MGAM2: variants seen among roughly 807,000 people sequenced by gnomAD.
The protein encoded by MGAM2 is probable maltase-glucoamylase 2.
Under a neutral mutation model 96.1 loss-of-function variants are expected in MGAM2, and 98 were observed. That is an observed-to-expected ratio of 1.02 (90% CI 0.87 to 1.21). The LOEUF is 1.21. Ranked by LOEUF, MGAM2 falls within the 50% of genes most tolerant of loss-of-function variation. MGAM2 has a pLI of 0.00. For missense variants in MGAM2, 2,055 were observed against 1,182.4 expected (o/e 1.74, Z -10.82); for synonymous variants, 749 against 414.8 (o/e 1.81, Z -9.79).
At chr7:142,152,120 A>G (rs1328257828) in intron 15 of MGAM2, among the ~76,000 whole-genome samples, 2 of 152,206 alleles carry the variant, frequency 1.3e-5, no homozygotes, top group African/African-American at 4.8e-5. Context: ...AGAGAAAACT[A>G]AAAGACAGAA....
At chr7:142,130,662 A>G (rs1794857545) in intron 3 of MGAM2, among the ~76,000 whole-genome samples, 2 of 152,136 alleles carry the variant, frequency 1.3e-5, no homozygotes, top group Admixed American at 1.3e-4. Flanking sequence ...ATCATACTGT[A>G]TGTAATTGCT....
intron 22 of MGAM2, among the ~76,000 whole-genome samples, chr7:142,161,658 G>A (rs7808303): frequency 0.052 from 7,900 of 152,280 alleles, 311 homozygotes; most frequent in East Asian, 0.15. Context: ...GAATTAGTAT[G>A]TATTGTGTAG....
chr7:142,113,528 T>A (rs1488603449), intron 1 of MGAM2, among the ~76,000 whole-genome samples: 2 of 105,148 alleles, frequency 1.9e-5, no homozygotes, highest in Non-Finnish European at 4.6e-5. Flanking sequence ...ATTCCTAGGT[T>A]TTTTTTTTAT....
intron 3 of MGAM2, among the ~76,000 whole-genome samples, chr7:142,122,646 C>CA (rs1490501905): frequency 6.6e-6 from 1 of 152,164 alleles, no homozygotes; most frequent in African/African-American, 2.4e-5. Flanking sequence ...CTCTTTCATT[C>CA]AGCACATTTT....
At chr7:142,144,835 A>G (rs1447547101) in intron 13 of MGAM2, 26 bp from the exon 14 acceptor site, 2 of 694,172 alleles carry the variant, frequency 2.9e-6, no homozygotes, top group Non-Finnish European at 5.2e-6. Context: ...CGCATTTTAC[A>G]CTTTGTGTGT....
chr7:142,134,085 A>C lies in MGAM2; in HGVS notation c.680A>C (p.Gln227Pro), dbSNP rs767971047. 1 of 763,102 alleles carries C rather than the reference A, an allele frequency of 1.3e-6. No individual in the cohort carries two copies. Among genetic ancestry groups the C allele is most frequent in the Admixed American group, 1.7e-5 (1 of 58,780 alleles). The allele number at this position is 763,102 out of a possible 1,614,324, so 47.3% of individuals were successfully genotyped here. Residue 227 changes from glutamine (Q) to proline (P), a missense_variant, in exon 7 of 48, where the codon CAG (glutamine) becomes CCG (proline). Gln to Pro is a moderately conservative substitution (Grantham distance 76, BLOSUM62 -1). Coordinates refer to ENST00000477922, the MANE Select transcript of MGAM2 (RefSeq NM_001293626.2). ...TATGGGCTGGGAGAGCATGTGCACC[A>C]GCAGTACCGCCACAATATGACCTGG... ...NVYGLGEHVHQQYRHNMTWKT... is the reference protein window; with the variant it reads ...NVYGLGEHVHPQYRHNMTWKT...
Position 142,198,177 on chromosome 7 carries a change from T to C in MGAM2, c.4905T>C (p.Arg1635=), listed in dbSNP as rs890607558. The C allele has an allele frequency of 7.1e-6, 5 of 702,974 alleles. No individual in the cohort carries two copies. Among genetic ancestry groups the C allele is most frequent in the African/African-American group, 7.0e-5 (4 of 57,258 alleles). 43.5% of individuals were successfully genotyped at this position (702,974 alleles called of 1,614,324 possible). The stretch of plus-strand genomic sequence containing the variant: ...TCTCTGCTTATTTTCCGAGAGCCCG[T>C]TGGTATGACTATAGCACGGTAAGAA... The part of the protein sequence containing the change: ...FEISAYFPRA[R]WYDYSTGTSS... Residue 1635 remains arginine (R), a synonymous_variant, in exon 43 of 48, where the codon CGT becomes CGC. Transcript: ENST00000477922.
At chr7:142,218,929 TA>T (rs1331094256) in intron 47 of MGAM2, among the ~76,000 whole-genome samples, 1 of 152,222 alleles carries the variant, frequency 6.6e-6, no homozygotes, top group Non-Finnish European at 1.5e-5. Flanking sequence ...TTCCTGCAGT[TA>T]TTCATGTCCC....
intron 32 of MGAM2, 34 bp from the exon 33 acceptor site, chr7:142,183,232 C>T: frequency 4.4e-6 from 3 of 683,898 alleles, no homozygotes; most frequent in East Asian, 2.7e-5. Flanking sequence ...AGATGTTTTC[C>T]TCACATTTGC....
intron 45 of MGAM2, 144 bp from the exon 46 acceptor site, chr7:142,208,429 A>G (rs1252963703): frequency 1.5e-6 from 1 of 656,480 alleles, no homozygotes; most frequent in Non-Finnish European, 2.8e-6. Context: ...TCTCTTAGCC[A>G]CTCTCTTCAG....
At position 142,176,889 on chromosome 7, in the gene MGAM2, T is replaced by C. The variant is rs1304393874; in HGVS notation, c.3816+1109T>C. 2.6e-5 allele frequency among the ~76,000 whole-genome samples: 4 copies of C among 152,222 alleles called. No individual in the cohort carries two copies. In the South Asian group the frequency reaches 6.2e-4, roughly 24 times the overall value. ...CCAATGCATTCTTTTTCTTCTCAAC[T>C]GTCTTTGTAAAAATAGATTTCTATG... On this transcript the variant is annotated intron_variant, in intron 32 of 47. Coordinates refer to ENST00000477922, the MANE Select transcript of MGAM2 (RefSeq NM_001293626.2).
rs1407921869 is a variant in MGAM2 at position 142,147,590 on chromosome 7, C to T, written c.1634+17C>T. ...CACAAACTTGTAAGGACTTGGTTTT[C>T]ACCCTAATTCCAGATATGTGGAGGT... On this transcript the variant is annotated intron_variant, in intron 15 of 47. Coordinates refer to ENST00000477922, the MANE Select transcript of MGAM2 (RefSeq NM_001293626.2). The T allele has an allele frequency of 4.3e-6, 3 of 698,010 alleles. No homozygotes were observed. The highest frequency in any genetic ancestry group is 7.8e-6 in the Non-Finnish European group (3 of 382,888). The allele number at this position is 698,010 out of a possible 1,614,324, so 43.2% of individuals were successfully genotyped here. A position where few individuals can be genotyped will look rare whatever the true frequency, so the allele number is the denominator to read the frequency against.
At position 142,170,205 on chromosome 7, in the gene MGAM2, A is replaced by G. The variant is rs1294527267; in HGVS notation, c.3158A>G (p.Gln1053Arg). 1.4e-6 allele frequency: 1 copy of G among 702,734 alleles called. No homozygotes were observed. The highest frequency in any genetic ancestry group is 1.7e-5 in the African/African-American group (1 of 57,372). The allele number at this position is 702,734 out of a possible 1,614,324, so 43.5% of individuals were successfully genotyped here. ...AACAATCCTTTTGGAATCCAGATTC[A>G]ACGCAAAAACTCCAGCACTGTGATG... ...IQNNPFGIQI[Q>R]RKNSSTVIWD... The change falls in exon 27 of 48, where the codon CAA (glutamine) becomes CGA (arginine). Residue 1053 changes from glutamine (Q) to arginine (R), a missense_variant. Transcript: ENST00000477922.
intron 12 of MGAM2, among the ~76,000 whole-genome samples, chr7:142,142,524 GTT>G (rs746342532): frequency 2.5e-4 from 20 of 78,906 alleles, no homozygotes; most frequent in African/African-American, 8.4e-4. Flanking sequence ...AGTGGTGTGT[GTT>G]TTTTTTTTTT....
At chr7:142,153,289 C>T (rs1437145634) in intron 15 of MGAM2, among the ~76,000 whole-genome samples, 6 of 152,160 alleles carry the variant, frequency 3.9e-5, no homozygotes, top group African/African-American at 1.2e-4. Context: ...CGTGAGCCAC[C>T]GCGCCCGGCC....
At chr7:142,156,079 A>C (rs1052455576) in intron 17 of MGAM2, among the ~76,000 whole-genome samples, 4 of 151,904 alleles carry the variant, frequency 2.6e-5, no homozygotes, top group Admixed American at 2.0e-4. Context: ...GGGGAGGCAG[A>C]GGTTGTGGTG....
chr7:142,173,776 T>C (rs568266710), intron 31 of MGAM2, among the ~76,000 whole-genome samples: 216 of 152,314 alleles, frequency 1.4e-3, no homozygotes, highest in Non-Finnish European at 2.5e-3. Flanking sequence ...TTGAGTAAGT[T>C]TCATGTGCAG....
intron 47 of MGAM2, among the ~76,000 whole-genome samples, chr7:142,219,191 G>A (rs917798753): frequency 2.4e-4 from 36 of 152,074 alleles, no homozygotes; most frequent in African/African-American, 8.0e-4. Flanking sequence ...ACATAAATAC[G>A]GAACCAGCAA....
intron 44 of MGAM2, 139 bp from the exon 45 acceptor site, chr7:142,199,741 T>C: frequency 2.3e-6 from 1 of 437,186 alleles, no homozygotes; most frequent in East Asian, 3.3e-5. Context: ...TTATCTATTG[T>C]ACCTATTTTT....
Sources: gnomAD v4.1 joint callset for allele counts (sites outside exome capture counted in the v4.1 genomes callset) on GRCh38, gnomAD v4.1.1 for gene constraint, MANE v1.5 for transcripts, NCBI Gene and HGNC (gene_info 2026-07-23, HGNC 2026-07-21) for gene names.